Variants in PDE4B observed in about 807,000 individuals in gnomAD.
PDE4B encodes the protein 3',5'-cyclic-AMP phosphodiesterase 4B.
A neutral mutation model predicts 82.2 loss-of-function variants in PDE4B; 20 were observed. The observed-to-expected ratio is 0.24, with a 90% CI of 0.17 to 0.35. PDE4B has a LOEUF of 0.35. PDE4B is among the 10% of genes least tolerant of loss of function. The probability of loss-of-function intolerance (pLI) is 1.00; values close to 1 mark genes in which losing one functional copy is unlikely to be tolerated. For missense variants in PDE4B, 655 were observed against 907.2 expected, an observed-to-expected ratio of 0.72 and a Z score of 3.57; for synonymous variants, 320 against 318.9, an observed-to-expected ratio of 1.00 and a Z score of -0.04.
chr1:66,322,354 G>T (rs1659463102), intron 7 of PDE4B, among the ~76,000 whole-genome samples: 1 of 152,160 alleles, frequency 6.6e-6, no homozygotes, highest in Non-Finnish European at 1.5e-5. Flanking sequence ...CACAGCAAAA[G>T]AAACTATCAT....
chr1:65,958,542 A>G, intron 3 of PDE4B, among the ~76,000 whole-genome samples: 1 of 152,112 alleles, frequency 6.6e-6, no homozygotes, highest in East Asian at 1.9e-4. Flanking sequence ...AAATTTATAA[A>G]TAATGTGGTA....
At chr1:66,199,972 G>A (rs2101525184) in intron 3 of PDE4B, among the ~76,000 whole-genome samples, 1 of 152,236 alleles carries the variant, frequency 6.6e-6, no homozygotes, top group East Asian at 1.9e-4. Flanking sequence ...GGTTTTTATG[G>A]TTTTAGGTCT....
chr1:66,106,859 G>T (rs61546675), intron 3 of PDE4B, among the ~76,000 whole-genome samples: 1 of 58,066 alleles, frequency 1.7e-5, no homozygotes, highest in Non-Finnish European at 4.1e-5. Context: ...CTAGCATTCT[G>T]TCAATTTTGT....
At chr1:66,150,846 C>A (rs1433315499) in intron 3 of PDE4B, among the ~76,000 whole-genome samples, 2 of 152,044 alleles carry the variant, frequency 1.3e-5, no homozygotes, top group Non-Finnish European at 2.9e-5. Flanking sequence ...AATTAACTTT[C>A]GTATGTTAAA....
chr1:66,040,747 A>T (rs760149761), intron 3 of PDE4B, among the ~76,000 whole-genome samples: 1 of 151,938 alleles, frequency 6.6e-6, no homozygotes, highest in Non-Finnish European at 1.5e-5. Flanking sequence ...GATCAAGGAG[A>T]GTAAAGGTTA....
At chr1:65,942,832 A>T (rs879160572) in intron 3 of PDE4B, among the ~76,000 whole-genome samples, 10 of 151,904 alleles carry the variant, frequency 6.6e-5, no homozygotes, top group Admixed American at 3.3e-4. Context: ...TTCTTTTGAG[A>T]AATGTCTATT....
intron 3 of PDE4B, among the ~76,000 whole-genome samples, chr1:65,968,241 G>A (rs1649951957): frequency 6.6e-6 from 1 of 152,102 alleles, no homozygotes; most frequent in South Asian, 2.1e-4. Context: ...GTTAAAAAGA[G>A]GATTGGACTA....
intron 7 of PDE4B, chr1:66,266,674 C>G: frequency 1.9e-6 from 1 of 527,296 alleles, no homozygotes; most frequent in Non-Finnish European, 3.9e-6. Flanking sequence ...TCTTTCAGGA[C>G]AGTGCATCCA....
intron 4 of PDE4B, 107 bp from the exon 5 acceptor site, chr1:66,257,540 T>C (rs1270700099): frequency 9.3e-7 from 1 of 1,077,112 alleles, no homozygotes; most frequent in African/African-American, 1.6e-5. Flanking sequence ...GAAGAACTTG[T>C]ATAACATTTG....
chr1:66,090,604 ATATATG>A (rs200793813), intron 3 of PDE4B, among the ~76,000 whole-genome samples: 1 of 65,308 alleles, frequency 1.5e-5, no homozygotes, highest in Non-Finnish European at 2.9e-5. Flanking sequence ...AATTATATAT[ATATATG>A]TATATAATAT....
At chr1:66,241,363 T>C (rs749028348) in intron 3 of PDE4B, among the ~76,000 whole-genome samples, 1 of 152,216 alleles carries the variant, frequency 6.6e-6, no homozygotes, top group Non-Finnish European at 1.5e-5. Flanking sequence ...TAAAAACACA[T>C]GTGCCTGTTA....
At chr1:65,878,021 A>G (rs1386138286) in intron 1 of PDE4B, among the ~76,000 whole-genome samples, 1 of 152,146 alleles carries the variant, frequency 6.6e-6, no homozygotes, top group Admixed American at 6.6e-5. Flanking sequence ...TCTACAAGTA[A>G]AATAAACAAA....
At chr1:66,134,394 C>T (rs1016832948) in intron 3 of PDE4B, among the ~76,000 whole-genome samples, 1 of 152,182 alleles carries the variant, frequency 6.6e-6, no homozygotes, top group African/African-American at 2.4e-5. Flanking sequence ...CTCTCCTGAG[C>T]CTCTCTTTTA....
At chr1:66,141,046 T>A (rs1646160287) in intron 3 of PDE4B, among the ~76,000 whole-genome samples, 2 of 152,150 alleles carry the variant, frequency 1.3e-5, no homozygotes, top group African/African-American at 4.8e-5. Flanking sequence ...GTCAAAGATA[T>A]CAATGTAAAC....
intron 3 of PDE4B, among the ~76,000 whole-genome samples, chr1:66,072,941 T>A (rs1430139925): frequency 6.6e-6 from 1 of 151,368 alleles, no homozygotes; most frequent in Admixed American, 6.6e-5. Context: ...GGAGGTGAAG[T>A]AAACAAACAA....
chr1:66,018,383 G>A (rs2100759177), intron 3 of PDE4B, among the ~76,000 whole-genome samples: 1 of 152,228 alleles, frequency 6.6e-6, no homozygotes, highest in East Asian at 1.9e-4. Context: ...TCGTGCCACT[G>A]CACTCCAGCC....
chr1:65,796,912 G>A (rs1022363992), intron 1 of PDE4B, among the ~76,000 whole-genome samples: 1 of 151,212 alleles, frequency 6.6e-6, no homozygotes, highest in East Asian at 1.9e-4. Context: ...GCCTCCCAAA[G>A]TGCTGGGATT....
At chr1:66,110,231 A>C (rs1286623571) in intron 3 of PDE4B, among the ~76,000 whole-genome samples, 1 of 151,988 alleles carries the variant, frequency 6.6e-6, no homozygotes, top group East Asian at 1.9e-4. Flanking sequence ...GGGAATAATA[A>C]CCAATGGTTA....
At chr1:66,265,980 G>A (rs1180869512) in intron 6 of PDE4B, 58 bp from the exon 7 acceptor site, 1 of 1,262,140 alleles carries the variant, frequency 7.9e-7, no homozygotes, top group East Asian at 2.3e-5. Flanking sequence ...GGGGTGTCGG[G>A]GGTGGAATGG....
Sources: gnomAD v4.1 joint callset for allele counts (sites outside exome capture counted in the v4.1 genomes callset) on GRCh38, gnomAD v4.1.1 for gene constraint, MANE v1.5 for transcripts, NCBI Gene and HGNC (gene_info 2026-07-23, HGNC 2026-07-21) for gene names.